Variants in COL6A2 observed in about 807,000 individuals in gnomAD.
The protein encoded by COL6A2 is collagen type VI alpha 2 chain.
In COL6A2, 90 loss-of-function variants were observed where a neutral mutation model predicts 124.9. The ratio of observed to expected loss-of-function variants is 0.72; its 90% CI spans 0.61 to 0.86. The LOEUF is 0.86. COL6A2 is among the 40% of genes least tolerant of loss of function. The pLI is 0.00. For missense variants in COL6A2, 1,607 were observed against 1,502.5 expected (o/e 1.07, Z -1.15); for synonymous variants, 793 against 618.2 (o/e 1.28, Z -4.19).
At chr21:46,104,474 A>G (rs2078317431) in intron 1 of COL6A2, among the ~76,000 whole-genome samples, 1 of 152,226 alleles carries the variant, frequency 6.6e-6, no homozygotes, top group Admixed American at 6.5e-5. Context: ...AAAAATGGAA[A>G]TTATTGAGTC....
intron 16 of COL6A2, 128 bp from the exon 17 acceptor site, chr21:46,120,933 G>C (rs965253459): frequency 2.6e-5 from 22 of 860,014 alleles, no homozygotes; most frequent in Non-Finnish European, 4.1e-5. Context: ...CCTCCGGGGA[G>C]GGTCATAGGG....
At chr21:46,126,637 G>T (rs568742622) in intron 27 of COL6A2, 96 bp downstream of exon 27, 31 of 1,480,980 alleles carry the variant, frequency 2.1e-5, no homozygotes, top group Non-Finnish European at 2.9e-5. Context: ...GGCCGTGCAG[G>T]GACCCGGGGG....
intron 27 of COL6A2, 131 bp from the exon 28 acceptor site, chr21:46,131,823 G>A (rs568799048): frequency 2.2e-4 from 188 of 864,636 alleles, no homozygotes; most frequent in South Asian, 2.0e-3. Flanking sequence ...CTGCAGAAAC[G>A]CCCCCGCAGA....
intron 12 of COL6A2, 24 bp from the exon 13 acceptor site, chr21:46,118,590 G>C (rs536672010): frequency 6.2e-7 from 1 of 1,612,000 alleles, no homozygotes; most frequent in Non-Finnish European, 8.5e-7. Flanking sequence ...AAAGACGTGA[G>C]GCTGATTCTG....
chr21:46,129,805 C>T (rs763052884), intron 27 of COL6A2: 80 of 1,181,728 alleles, frequency 6.8e-5, no homozygotes, highest in East Asian at 4.8e-4. Context: ...AACTCACTCC[C>T]GTCTGCAGAG....
chr21:46,132,729 C>A lies in COL6A2; in HGVS notation c.*177C>A. ...CCCCGGCCCCCGCCCAGCCCCAGGT[C>A]TCCCCAGGCCCTCCGCAGGCTGCCC... On this transcript the variant is annotated 3_prime_UTR_variant, in exon 28 of 28. Coordinates refer to ENST00000300527, the MANE Select transcript of COL6A2 (RefSeq NM_001849.4). The A allele has an allele frequency of 6.1e-6, 4 of 654,376 alleles. No homozygotes were observed. The highest frequency in any genetic ancestry group is 1.0e-5 in the Non-Finnish European group (4 of 383,614). The allele number at this position is 654,376 out of a possible 1,614,324, so 40.5% of individuals were successfully genotyped here.
intron 1 of COL6A2, among the ~76,000 whole-genome samples, chr21:46,099,804 G>A (rs1385329334): frequency 5.3e-5 from 8 of 152,186 alleles, no homozygotes; most frequent in Non-Finnish European, 2.9e-5. Flanking sequence ...TAGAAGGGCG[G>A]CATCTGGGTC....
rs761426956 is a variant in COL6A2 at position 46,125,449 on chromosome 21, C to A, written c.1817-16C>A. On this transcript the variant is annotated splice_polypyrimidine_tract_variant and intron_variant, in intron 24 of 27. Transcript: ENST00000300527. The stretch of plus-strand genomic sequence containing the variant: ...GGTCTCCCCGGTACCCCCCGATGAC[C>A]CTGCCACCCCCCCAGACTGTGAGAA... The A allele has an allele frequency of 6.2e-7, 1 of 1,609,616 alleles. No individual in the cohort carries two copies. Among genetic ancestry groups the A allele is most frequent in the Non-Finnish European group, 8.5e-7 (1 of 1,178,494 alleles).
rs2123616265 is a variant in COL6A2 at position 46,112,488 on chromosome 21, C to G, written c.625C>G (p.His209Asp). The G allele has an allele frequency of 1.2e-6, 2 of 1,611,580 alleles. No homozygotes were observed. The highest frequency in any genetic ancestry group is 4.5e-5 in the East Asian group (2 of 44,848). Reference sequence around the variant, plus strand: ...CCTGCGGGACATCGCCAGCACGCCGCACGAGCTCTACCGCAACGACTACGC... The same window carrying G: ...CCTGCGGGACATCGCCAGCACGCCGGACGAGCTCTACCGCAACGACTACGC... ...QGLRDIASTP[H>D]ELYRNDYATM... is the part of the protein sequence containing the mutation. The change falls in exon 3 of 28, where the codon CAC becomes GAC. Residue 209 changes from histidine to aspartate, a missense_variant. Transcript: ENST00000300527.
At chr21:46,111,651 C>T in intron 2 of COL6A2, 60 bp downstream of exon 2, 1 of 499,584 alleles carries the variant, frequency 2.0e-6, no homozygotes, top group Non-Finnish European at 3.6e-6. Context: ...GACCAGTACC[C>T]AGGTGCCAGG....
In COL6A2 at chr21:46,119,810, C is replaced by T. The variant is rs1381049424; in HGVS notation, c.1292C>T (p.Thr431Ile). Residue 431 changes from threonine to isoleucine, a missense_variant, in exon 15 of 28, where the codon ACC becomes ATC. By Grantham distance (89) the Thr-to-Ile change is moderately conservative (BLOSUM62 -1). This residue lies in a region of COL6A2 where 1,223 missense variants were observed against 1,052.2 expected (regional missense o/e 1.16). Transcript: ENST00000300527. The part of the protein sequence containing the change: ...GEPGRRGDPG[T>I]KGSPGSDGPK... ...CAGGGGCGCAGGGGAGACCCCGGCACCAAGGGCAGCCCAGGCAGCGATGGC... is the reference window on the plus strand; with the variant it reads ...CAGGGGCGCAGGGGAGACCCCGGCATCAAGGGCAGCCCAGGCAGCGATGGC... The T allele has an allele frequency of 1.0e-5, 16 of 1,564,596 alleles. No homozygotes were observed. The highest frequency in any genetic ancestry group is 2.3e-5 in the South Asian group (2 of 85,156).
chr21:46,124,745 CCCAACCTGCCAGG>C, intron 22 of COL6A2, 32 bp downstream of exon 22: 1 of 1,609,102 alleles, frequency 6.2e-7, no homozygotes, highest in South Asian at 1.1e-5. Flanking sequence ...ATGCCCTCCC[CCCAACCTGCCAGG>C]CCAACACACA....
At position 46,132,734 on chromosome 21, in the gene COL6A2, C is replaced by A; in HGVS notation, c.*182C>A. ...GCCCCCGCCCAGCCCCAGGTCTCCC[C>A]AGGCCCTCCGCAGGCTGCCCGGCCT... On this transcript the variant is annotated 3_prime_UTR_variant, in exon 28 of 28. Coordinates refer to ENST00000300527, the MANE Select transcript of COL6A2 (RefSeq NM_001849.4). 1.5e-6 allele frequency: 1 copy of A among 647,210 alleles called. No individual in the cohort carries two copies. Among genetic ancestry groups the A allele is most frequent in the African/African-American group, 1.8e-5 (1 of 54,986 alleles). 40.1% of individuals were successfully genotyped at this position (647,210 alleles called of 1,614,324 possible). A position where few individuals can be genotyped will look rare whatever the true frequency, so the allele number is the denominator to read the frequency against.
At chr21:46,117,614 CAT>C (rs1362016793) in intron 11 of COL6A2, 161 bp downstream of exon 11, 5 of 829,086 alleles carry the variant, frequency 6.0e-6, no homozygotes, top group Admixed American at 4.1e-5. Context: ...GGGTCGGAGT[CAT>C]GTGAGGAACT....
chr21:46,122,637 G>T, intron 20 of COL6A2, 106 bp downstream of exon 20: 1 of 1,334,882 alleles, frequency 7.5e-7, no homozygotes. Context: ...CCCCTGTCTT[G>T]AGATGGTCCT....
intron 27 of COL6A2, among the ~76,000 whole-genome samples, chr21:46,128,384 C>T (rs1416693685): frequency 1.3e-5 from 2 of 152,358 alleles, no homozygotes; most frequent in African/African-American, 2.4e-5. Flanking sequence ...CTTGTGGCTC[C>T]AGGAGATGCA....
chr21:46,116,926 T>TACGCAC lies in COL6A2; in HGVS notation c.999+114_999+115insGCACAC. 1 of 638,194 alleles carries TACGCAC rather than the reference T, an allele frequency of 1.6e-6. No individual in the cohort carries two copies. The highest frequency in any genetic ancestry group is 2.8e-6 in the Non-Finnish European group (1 of 362,852). 39.5% of individuals were successfully genotyped at this position (638,194 alleles called of 1,614,324 possible). A position where few individuals can be genotyped will look rare whatever the true frequency, so the allele number is the denominator to read the frequency against. ...CAGCTTACACATGTGTACACACGCA[T>TACGCAC]ACACACACACACACACACACACACA... On this transcript the variant is annotated intron_variant, in intron 10 of 27. Coordinates refer to ENST00000300527, the MANE Select transcript of COL6A2 (RefSeq NM_001849.4). The surrounding 1 kb of genome is among the most constrained non-coding windows in gnomAD (Gnocchi z 4.6).
At chr21:46,118,055 A>C (rs1321295059) in intron 12 of COL6A2, 119 bp downstream of exon 12, 2 of 945,878 alleles carry the variant, frequency 2.1e-6, no homozygotes, top group African/African-American at 3.3e-5. Context: ...CTGGTCAGTG[A>C]GGAGCCAATG....
rs569406952 is a variant in COL6A2, at chr21:46,118,922, C to G, written c.1180-108C>G. Reference sequence around the variant, plus strand: ...GCAGGGCCCCCATGTGCCTGGCAAGCAGATTCCGCTGGAAGATAATAGGGG... The same window carrying G: ...GCAGGGCCCCCATGTGCCTGGCAAGGAGATTCCGCTGGAAGATAATAGGGG... On this transcript the variant is annotated intron_variant, in intron 13 of 27. Transcript: ENST00000300527. The G allele has an allele frequency of 2.7e-5, 28 of 1,029,832 alleles. No individual in the cohort carries two copies. In the Admixed American group the frequency reaches 2.8e-4, roughly 10 times the overall value. The allele number at this position is 1,029,832 out of a possible 1,614,324, so 63.8% of individuals were successfully genotyped here. A position where few individuals can be genotyped will look rare whatever the true frequency, so the allele number is the denominator to read the frequency against.
Sources: allele counts gnomAD v4.1 joint callset (sites outside exome capture counted in the v4.1 genomes callset), GRCh38; gene constraint gnomAD v4.1.1; regional missense constraint gnomAD v4.1.1; non-coding constraint Gnocchi (gnomAD v3.1); transcripts MANE v1.5; gene names NCBI Gene and HGNC (gene_info 2026-07-23, HGNC 2026-07-21).